Variants in POU6F2 observed in about 807,000 individuals in gnomAD.
The protein encoded by POU6F2 is POU domain, class 6, transcription factor 2.
Under a neutral mutation model 71.3 loss-of-function variants are expected in POU6F2, and 31 were observed. The observed-to-expected ratio is 0.43, with a 90% CI of 0.33 to 0.59. POU6F2 has a LOEUF of 0.59. Ranked by LOEUF, POU6F2 falls within the 20% of genes least tolerant of loss-of-function variation. The pLI is 0.04. For synonymous variants in POU6F2, 347 were observed against 355.7 expected, an observed-to-expected ratio of 0.98 and a Z score of 0.27; for missense variants, 783 against 856.8, an observed-to-expected ratio of 0.91 and a Z score of 1.07.
rs2128760975 is a variant in POU6F2 at position 39,286,449 on chromosome 7, G to A, written c.599-53193G>A. ...GTTTAATCTTACTGTCAAATTAAGG[G>A]GCAGAATTAACAGGACAATGTAAAA... On this transcript the variant is annotated intron_variant, in intron 4 of 9. Coordinates refer to ENST00000518318, the MANE Select transcript of POU6F2 (RefSeq NM_001370959.1). Among the ~76,000 whole-genome samples, 3 of 152,216 alleles carry A rather than the reference G, an allele frequency of 2.0e-5. No homozygotes were observed. In the East Asian group the frequency reaches 5.8e-4, roughly 29 times the overall value.
chr7:39,067,702 T>C (rs1273405425), intron 1 of POU6F2, among the ~76,000 whole-genome samples: 1 of 152,154 alleles, frequency 6.6e-6, no homozygotes, highest in East Asian at 1.9e-4. Flanking sequence ...TTTTTATAAT[T>C]ATTGCTTTTA....
chr7:39,451,604 C>T lies in POU6F2; in HGVS notation c.1392C>T (p.Ser464=). 12 of 1,613,740 alleles carry T rather than the reference C, an allele frequency of 7.4e-6. No homozygotes were observed. Among genetic ancestry groups the T allele is most frequent in the Non-Finnish European group, 1.0e-5 (12 of 1,179,748 alleles). ...SQGNLLHLAH[S]QASMSQSPVR... is the part of the protein sequence containing the mutation. ...GCAACCTTCTGCACCTGGCTCACAGCCAAGCATCCATGTCTCAAAGTCCCG... is the reference window on the plus strand; with the variant it reads ...GCAACCTTCTGCACCTGGCTCACAGTCAAGCATCCATGTCTCAAAGTCCCG... Residue 464 remains serine, a synonymous_variant, in exon 8 of 10, where the codon AGC becomes AGT. Coordinates refer to ENST00000518318, the MANE Select transcript of POU6F2 (RefSeq NM_001370959.1).
chr7:39,279,276 CA>C (rs1422069021), intron 4 of POU6F2, among the ~76,000 whole-genome samples: 1 of 140,882 alleles, frequency 7.1e-6, no homozygotes, highest in Admixed American at 7.5e-5. Flanking sequence ...AGCCCCAACA[CA>C]GGTGCCACCT....
chr7:39,459,524 C>T (rs1397261135), intron 8 of POU6F2, among the ~76,000 whole-genome samples: 1 of 152,058 alleles, frequency 6.6e-6, no homozygotes, highest in Non-Finnish European at 1.5e-5. Context: ...CCATAGTTCT[C>T]AGCCCAGAAG....
chr7:39,380,200 C>T (rs1375961402), intron 5 of POU6F2, among the ~76,000 whole-genome samples: 1 of 152,168 alleles, frequency 6.6e-6, no homozygotes, highest in Non-Finnish European at 1.5e-5. Context: ...ATTTGTTATA[C>T]TCTAAGAAGG....
chr7:39,107,218 A>T (rs1791710003), intron 2 of POU6F2, among the ~76,000 whole-genome samples: 2 of 151,358 alleles, frequency 1.3e-5, no homozygotes, highest in Admixed American at 6.6e-5. Flanking sequence ...CTAATTTTTT[A>T]AATTTTTGTA....
At chr7:39,430,517 G>A (rs868639511) in intron 6 of POU6F2, among the ~76,000 whole-genome samples, 2 of 152,232 alleles carry the variant, frequency 1.3e-5, no homozygotes, top group African/African-American at 4.8e-5. Flanking sequence ...ACAGTTGAAA[G>A]TGAGGTTGTG....
At chr7:39,279,992 GC>G (rs1784531382) in intron 4 of POU6F2, among the ~76,000 whole-genome samples, 4 of 152,016 alleles carry the variant, frequency 2.6e-5, no homozygotes. Flanking sequence ...TGATTAGCCT[GC>G]CTTGGCCTCC....
intron 6 of POU6F2, among the ~76,000 whole-genome samples, chr7:39,421,315 T>C (rs1433779151): frequency 5.3e-5 from 8 of 152,200 alleles, no homozygotes; most frequent in African/African-American, 1.9e-4. Flanking sequence ...ATTGAATAGA[T>C]AGATAAATAT....
chr7:39,382,723 G>C (rs1007004216), intron 5 of POU6F2, among the ~76,000 whole-genome samples: 1 of 152,188 alleles, frequency 6.6e-6, no homozygotes, highest in African/African-American at 2.4e-5. Flanking sequence ...AGTTTGAAGA[G>C]GCTGGTTGCC....
intron 1 of POU6F2, among the ~76,000 whole-genome samples, chr7:39,052,363 A>T (rs1467672109): frequency 6.6e-6 from 1 of 152,100 alleles, no homozygotes. Flanking sequence ...ATTTATTAAG[A>T]ATTGAAATTT....
At chr7:39,373,639 A>G (rs1786656362) in intron 5 of POU6F2, 1 of 413,150 alleles carries the variant, frequency 2.4e-6, no homozygotes, top group Admixed American at 2.7e-5. Context: ...TAATTTTACA[A>G]AGAGGCTGGG....
At chr7:39,036,642 G>A (rs950201129) in intron 1 of POU6F2, among the ~76,000 whole-genome samples, 2 of 150,494 alleles carry the variant, frequency 1.3e-5, no homozygotes, top group Non-Finnish European at 3.0e-5. Context: ...GGAATACAAT[G>A]CTTAAGTTTT....
At chr7:39,133,173 G>A (rs888577064) in intron 2 of POU6F2, among the ~76,000 whole-genome samples, 15 of 152,024 alleles carry the variant, frequency 9.9e-5, no homozygotes, top group Non-Finnish European at 2.1e-4. Flanking sequence ...AAACTACCTG[G>A]GCCAGGAGAG....
intron 4 of POU6F2, among the ~76,000 whole-genome samples, chr7:39,305,201 C>A (rs1326761318): frequency 6.6e-6 from 1 of 152,216 alleles, no homozygotes; most frequent in Non-Finnish European, 1.5e-5. Context: ...TTCACAGGCA[C>A]TTTACTTAAG....
intron 4 of POU6F2, among the ~76,000 whole-genome samples, chr7:39,228,436 G>A (rs1794513819): frequency 1.3e-5 from 2 of 152,184 alleles, no homozygotes; most frequent in South Asian, 4.1e-4. Context: ...CAAAACCCAA[G>A]GCTGTAGCTG....
intron 4 of POU6F2, among the ~76,000 whole-genome samples, chr7:39,335,601 T>C (rs1785753897): frequency 6.6e-6 from 1 of 152,220 alleles, no homozygotes; most frequent in African/African-American, 2.4e-5. Flanking sequence ...TGTGTAAACT[T>C]GGGAAGGTCA....
chr7:39,233,390 TTAAG>T (rs1255643325), intron 4 of POU6F2, among the ~76,000 whole-genome samples: 1 of 152,186 alleles, frequency 6.6e-6, no homozygotes, highest in Non-Finnish European at 1.5e-5. Flanking sequence ...GCCTTATTAA[TTAAG>T]TAATTAAGGT....
At chr7:39,368,021 T>G (rs1220386762) in intron 5 of POU6F2, among the ~76,000 whole-genome samples, 1 of 152,172 alleles carries the variant, frequency 6.6e-6, no homozygotes, top group Non-Finnish European at 1.5e-5. Context: ...GCCTCTCTAT[T>G]CCCTGAGGCA....
Sources: gnomAD v4.1 joint callset for allele counts (sites outside exome capture counted in the v4.1 genomes callset) on GRCh38, gnomAD v4.1.1 for gene constraint, MANE v1.5 for transcripts, NCBI Gene and HGNC (gene_info 2026-07-23, HGNC 2026-07-21) for gene names.